The following RALA variants were observed in gnomAD, a reference collection of about 807,000 sequenced individuals.
RALA encodes the protein RAS like proto-oncogene A.
RALA carries 5 observed loss-of-function variants against 24.0 expected under a neutral mutation model. The observed-to-expected ratio is 0.21, with a 90% confidence interval of 0.11 to 0.44. The LOEUF (loss-of-function observed/expected upper bound fraction) is 0.44, where lower values mean the gene tolerates loss of function less well. RALA is among the 20% of genes least tolerant of loss of function. The pLI is 0.99. For synonymous variants in RALA, 77 were observed against 83.8 expected, an observed-to-expected ratio of 0.92 and a Z score of 0.44; for missense variants, 95 against 241.2, an observed-to-expected ratio of 0.39 and a Z score of 4.01.
At chr7:39,635,721 T>C (rs1316248315) in intron 1 of RALA, among the ~76,000 whole-genome samples, 1 of 152,188 alleles carries the variant, frequency 6.6e-6, no homozygotes, top group East Asian at 1.9e-4. Flanking sequence ...ACTAGATTGC[T>C]CAGGTGCACA....
intron 1 of RALA, among the ~76,000 whole-genome samples, chr7:39,659,341 A>C (rs771585935): frequency 8.5e-5 from 13 of 152,182 alleles, no homozygotes; most frequent in Non-Finnish European, 1.8e-4. Flanking sequence ...TACTCTTAGG[A>C]AGAAAAATAT....
chr7:39,624,990 A>C (rs1583697128), intron 1 of RALA, among the ~76,000 whole-genome samples: 1 of 152,166 alleles, frequency 6.6e-6, no homozygotes, highest in South Asian at 2.1e-4. Flanking sequence ...ATACACTATT[A>C]TTGTGAAGTA....
intron 1 of RALA, among the ~76,000 whole-genome samples, chr7:39,653,455 AC>A (rs1258607810): frequency 6.6e-6 from 1 of 151,836 alleles, no homozygotes; most frequent in Non-Finnish European, 1.5e-5. Flanking sequence ...CCTTCTGAGA[AC>A]TGAGACCACA....
At chr7:39,636,463 ATTAAG>A (rs1562607608) in intron 1 of RALA, among the ~76,000 whole-genome samples, 3 of 152,140 alleles carry the variant, frequency 2.0e-5, no homozygotes, top group African/African-American at 7.2e-5. Context: ...ACCTATGTTT[ATTAAG>A]TTATCTATAT....
At chr7:39,676,835 A>C (rs923075956) in intron 1 of RALA, among the ~76,000 whole-genome samples, 1 of 152,132 alleles carries the variant, frequency 6.6e-6, no homozygotes. Context: ...TGGATTGGAG[A>C]TCTGTGGTCC....
chr7:39,651,623 A>G (rs1792019812), intron 1 of RALA, among the ~76,000 whole-genome samples: 1 of 152,090 alleles, frequency 6.6e-6, no homozygotes, highest in Admixed American at 6.6e-5. Context: ...GTGGTAGAAA[A>G]CTGGAATACA....
At chr7:39,677,323 C>A (rs190053360) in intron 1 of RALA, among the ~76,000 whole-genome samples, 1 of 150,774 alleles carries the variant, frequency 6.6e-6, no homozygotes, top group African/African-American at 2.4e-5. Context: ...TTTGTTCTTG[C>A]GATAGTTTAC....
chr7:39,671,138 C>G (rs1792375869), intron 1 of RALA, among the ~76,000 whole-genome samples: 1 of 152,102 alleles, frequency 6.6e-6, no homozygotes, highest in Non-Finnish European at 1.5e-5. Flanking sequence ...CATCATTGAC[C>G]TGTAGCCTTC....
At chr7:39,625,502 C>T (rs908819684) in intron 1 of RALA, among the ~76,000 whole-genome samples, 6 of 152,172 alleles carry the variant, frequency 3.9e-5, no homozygotes, top group Non-Finnish European at 7.3e-5. Context: ...TCCCAGAATG[C>T]TTATAGTGGT....
At chr7:39,624,361 A>G (rs1364620862) in intron 1 of RALA, 1 of 147,220 alleles carries the variant, frequency 6.8e-6, no homozygotes, top group Non-Finnish European at 1.5e-5. Flanking sequence ...ACTTAAAGTC[A>G]TTAGACTCTC....
intron 1 of RALA, among the ~76,000 whole-genome samples, chr7:39,682,402 A>G (rs1317820299): frequency 6.6e-6 from 1 of 152,176 alleles, no homozygotes; most frequent in Non-Finnish European, 1.5e-5. Flanking sequence ...TGATACTTCC[A>G]CTGTCCATTC....
chr7:39,664,306 TACA>T (rs1479948512), intron 1 of RALA, among the ~76,000 whole-genome samples: 1 of 152,222 alleles, frequency 6.6e-6, no homozygotes, highest in Non-Finnish European at 1.5e-5. Context: ...TAGGTTGTTG[TACA>T]ACAAGAAGGC....
At chr7:39,650,505 T>C (rs1355019051) in intron 1 of RALA, among the ~76,000 whole-genome samples, 1 of 152,002 alleles carries the variant, frequency 6.6e-6, no homozygotes, top group East Asian at 1.9e-4. Context: ...ATCTAGGGAA[T>C]TGAACATTTT....
At chr7:39,682,037 A>T (rs1245963279) in intron 1 of RALA, among the ~76,000 whole-genome samples, 1 of 152,230 alleles carries the variant, frequency 6.6e-6, no homozygotes, top group Non-Finnish European at 1.5e-5. Flanking sequence ...TCCAAATAAC[A>T]TAGTGGTTAG....
intron 1 of RALA, among the ~76,000 whole-genome samples, chr7:39,666,563 G>A (rs1792289761): frequency 6.6e-6 from 1 of 152,228 alleles, no homozygotes; most frequent in African/African-American, 2.4e-5. Flanking sequence ...CATTCGCAAT[G>A]CCTTACTTAT....
intron 4 of RALA, among the ~76,000 whole-genome samples, chr7:39,700,140 T>A (rs1428390891): frequency 6.6e-6 from 1 of 152,148 alleles, no homozygotes; most frequent in Non-Finnish European, 1.5e-5. Flanking sequence ...AAAAATAAAA[T>A]AAAGGTATAA....
intron 4 of RALA, among the ~76,000 whole-genome samples, chr7:39,699,127 T>TTTTA (rs1792973685): frequency 2.8e-5 from 3 of 108,864 alleles, no homozygotes; most frequent in Admixed American, 8.5e-5. Flanking sequence ...TGTTATTTTT[T>TTTTA]TTTTTTTTTT....
intron 1 of RALA, among the ~76,000 whole-genome samples, chr7:39,633,589 A>G (rs183890364): frequency 2.7e-4 from 41 of 152,334 alleles, no homozygotes; most frequent in Admixed American, 1.3e-3. Flanking sequence ...TATGGCGATT[A>G]TAATTCAAGA....
intron 1 of RALA, among the ~76,000 whole-genome samples, chr7:39,655,261 G>A (rs1792076890): frequency 6.6e-6 from 1 of 152,212 alleles, no homozygotes; most frequent in Non-Finnish European, 1.5e-5. Context: ...AAAAGGGAAT[G>A]AGCTATAGAT....
Sources: gnomAD v4.1 joint callset for allele counts (sites outside exome capture counted in the v4.1 genomes callset) on GRCh38, gnomAD v4.1.1 for gene constraint, MANE v1.5 for transcripts, NCBI Gene and HGNC (gene_info 2026-07-23, HGNC 2026-07-21) for gene names.